The following NISCH variants were observed in gnomAD, a reference collection of about 807,000 sequenced individuals.
NISCH encodes I-1 receptor candidate protein.
A neutral mutation model predicts 138.4 loss-of-function variants in NISCH; 55 were observed. That is an observed-to-expected ratio of 0.40 (90% confidence interval 0.32 to 0.50). The LOEUF is 0.50. Among genes scored for constraint, NISCH ranks in the 20% least tolerant of loss-of-function variants. The pLI, the probability that NISCH is intolerant of heterozygous loss-of-function variation, is 0.71. For missense variants in NISCH, 1,643 were observed against 2,005.5 expected (o/e 0.82, Z 3.45); for synonymous variants, 860 against 861.5 (o/e 1.00, Z 0.03).
intron 13 of NISCH, 51 bp from the exon 14 acceptor site, chr3:52,484,462 T>TAGCCCCCC: frequency 1.3e-6 from 1 of 788,670 alleles, no homozygotes; most frequent in Admixed American, 3.4e-5. Flanking sequence ...ACAGCCGCTC[T>TAGCCCCCC]CCCCGCCCCA....
chr3:52,478,130 T>C lies in NISCH; in HGVS notation c.1021T>C (p.Tyr341His), dbSNP rs1338377994. Residue 341 changes from tyrosine to histidine, a missense_variant, in exon 10 of 21, where the codon TAC (tyrosine) becomes CAC (histidine). Tyr to His is a moderately conservative substitution (Grantham distance 83). Transcript: ENST00000345716. Reference sequence around the variant, plus strand: ...TAACCTTGTGCATCTGGACCTGTCCTACAACAAGCTCTCCTCCTTGGAAGG... The same window carrying C: ...TAACCTTGTGCATCTGGACCTGTCCCACAACAAGCTCTCCTCCTTGGAAGG... ...LYNLVHLDLS[Y>H]NKLSSLEGLH... The C allele has an allele frequency of 6.2e-7, 1 of 1,614,104 alleles. No homozygotes were observed. Among genetic ancestry groups the C allele is most frequent in the South Asian group, 1.1e-5 (1 of 91,070 alleles).
chr3:52,463,766 C>T (rs1273326299), intron 3 of NISCH, among the ~76,000 whole-genome samples: 1 of 124,232 alleles, frequency 8.0e-6, no homozygotes, highest in Non-Finnish European at 1.6e-5. Flanking sequence ...CTCTGTCGCA[C>T]AGGCTGGGGT....
Position 52,487,532 on chromosome 3 carries a change from T to C in NISCH, c.2040T>C (p.Asp680=). Residue 680 remains aspartate, a synonymous_variant, in exon 16 of 21, where the codon GAT becomes GAC. Coordinates refer to ENST00000345716, the MANE Select transcript of NISCH (RefSeq NM_007184.4). The surrounding 1 kb of genome is among the most constrained non-coding windows in gnomAD (Gnocchi z 9.1). The part of the protein sequence containing the change: ...QGEEEEEEEE[D]EEAEEERLAL... ...AGGAAGAGGAGGAGGAAGAGGAGGA[T>C]GAAGAGGCCGAGGAGGAGCGCCTGG... 1 of 1,607,086 alleles carries C rather than the reference T, an allele frequency of 6.2e-7. No homozygotes were observed.
chr3:52,487,078 G>C lies in NISCH; in HGVS notation c.1704-118G>C, dbSNP rs1035516807. The C allele has an allele frequency of 8.5e-7, 1 of 1,170,344 alleles. No individual in the cohort carries two copies. The highest frequency in any genetic ancestry group is 1.5e-5 in the African/African-American group (1 of 65,140). 72.5% of individuals were successfully genotyped at this position (1,170,344 alleles called of 1,614,324 possible). ...CTGACTTGGCCATGTGGGAGGCTTGGGAGACCCATGGGTTGGTTTCTCAGG... is the reference window on the plus strand; with the variant it reads ...CTGACTTGGCCATGTGGGAGGCTTGCGAGACCCATGGGTTGGTTTCTCAGG... On this transcript the variant is annotated intron_variant, in intron 15 of 20. Transcript: ENST00000345716. This position sits in a 1 kb window ranked among gnomAD's most constrained non-coding sequence, Gnocchi z 9.1.
At chr3:52,473,652 T>A in intron 6 of NISCH, 82 bp from the exon 7 acceptor site, 1 of 930,096 alleles carries the variant, frequency 1.1e-6, no homozygotes, top group South Asian at 1.6e-5. Flanking sequence ...TGCTTTTGTA[T>A]GGGGGTAGGA....
At chr3:52,464,788 G>A (rs564706783) in intron 3 of NISCH, among the ~76,000 whole-genome samples, 7 of 150,288 alleles carry the variant, frequency 4.7e-5, no homozygotes, top group Non-Finnish European at 1.0e-4. Context: ...GCCTCCCAAA[G>A]TGCCGGCATT....
At chr3:52,488,700 G>A in intron 16 of NISCH, 95 bp downstream of exon 16, 1 of 1,111,372 alleles carries the variant, frequency 9.0e-7, no homozygotes, top group South Asian at 1.6e-5. Context: ...GGGAGTTGCT[G>A]CGAGAGCTGG....
chr3:52,481,447 G>C (rs1442821899), intron 13 of NISCH: 4 of 985,618 alleles, frequency 4.1e-6, no homozygotes, highest in Admixed American at 6.1e-5. Context: ...CTTGACTAAG[G>C]ATTTCTGGTT....
At chr3:52,477,461 G>A (rs1707130102) in intron 8 of NISCH, 113 bp from the exon 9 acceptor site, 1 of 833,684 alleles carries the variant, frequency 1.2e-6, no homozygotes, top group Non-Finnish European at 2.0e-6. Context: ...GGGACGGCCC[G>A]TGGGAGTCCA....
chr3:52,460,326 C>T (rs532632838), intron 3 of NISCH, among the ~76,000 whole-genome samples: 4 of 151,952 alleles, frequency 2.6e-5, no homozygotes, highest in African/African-American at 7.2e-5. Context: ...CAGCAGCACA[C>T]CAGTCTTCCC....
intron 3 of NISCH, among the ~76,000 whole-genome samples, chr3:52,461,811 C>G (rs1706639931): frequency 6.8e-6 from 1 of 146,108 alleles, no homozygotes; most frequent in South Asian, 2.2e-4. Flanking sequence ...TGCAGTGAGC[C>G]AAGATCGTGT....
rs774547961 is a variant in NISCH, at chr3:52,490,137, G to T, written c.3519G>T (p.Gly1173=). 4 of 1,613,630 alleles carry T rather than the reference G, an allele frequency of 2.5e-6. No homozygotes were observed. In the Admixed American group the frequency reaches 6.7e-5, roughly 27 times the overall value. Residue 1173 remains glycine (G), a synonymous_variant, in exon 18 of 21, where the codon GGG becomes GGT. Transcript: ENST00000345716. ...WSSVVFYQTP[G]LEVTACVLLS... is the part of the protein sequence containing the mutation. ...CGGTGGTGTTCTACCAGACCCCAGGGCTGGAGGTGACTGCCTGCGTGCTGC... is the reference window on the plus strand; with the variant it reads ...CGGTGGTGTTCTACCAGACCCCAGGTCTGGAGGTGACTGCCTGCGTGCTGC...
chr3:52,478,769 C>T (rs1026151360), intron 11 of NISCH, among the ~76,000 whole-genome samples, 192 bp downstream of exon 11: 20 of 152,148 alleles, frequency 1.3e-4, no homozygotes, highest in African/African-American at 4.6e-4. Context: ...CATCTCCTGC[C>T]CCTACTGTCT....
chr3:52,485,877 C>T lies in NISCH; in HGVS notation c.1703+50C>T, dbSNP rs1266039174. On this transcript the variant is annotated intron_variant, in intron 15 of 20. Transcript: ENST00000345716. ...CTGGGCCTGGCCACACAGCCTTATG[C>T]ACACACACTGCTGTGGGCCAGGGGT... is the stretch of plus-strand genomic sequence containing the variant. The T allele has an allele frequency of 3.3e-6, 5 of 1,532,934 alleles. No homozygotes were observed. In the African/African-American group the frequency reaches 5.5e-5, roughly 17 times the overall value. 95.0% of individuals were successfully genotyped at this position (1,532,934 alleles called of 1,614,324 possible). A position where few individuals can be genotyped will look rare whatever the true frequency, so the allele number is the denominator to read the frequency against.
chr3:52,468,542 ATG>A (rs1706851442), intron 3 of NISCH, among the ~76,000 whole-genome samples: 1 of 152,100 alleles, frequency 6.6e-6, no homozygotes, highest in Non-Finnish European at 1.5e-5. Context: ...GCCAAGGAAA[ATG>A]TCATTTAGCT....
At chr3:52,459,135 G>C (rs1235840939) in intron 3 of NISCH, among the ~76,000 whole-genome samples, 2 of 152,222 alleles carry the variant, frequency 1.3e-5, no homozygotes, top group African/African-American at 4.8e-5. Flanking sequence ...CATCCAGATG[G>C]ATGAGGCTGG....
At chr3:52,483,108 C>T (rs1707318210) in intron 13 of NISCH, among the ~76,000 whole-genome samples, 1 of 152,180 alleles carries the variant, frequency 6.6e-6, no homozygotes, top group Non-Finnish European at 1.5e-5. Flanking sequence ...GGCAGGTGCC[C>T]AGCGTGGCCC....
intron 11 of NISCH, 148 bp from the exon 12 acceptor site, chr3:52,479,601 C>A (rs1707208279): frequency 3.1e-6 from 2 of 645,632 alleles, no homozygotes; most frequent in Admixed American, 2.9e-5. Context: ...TGGCCTGGCC[C>A]ACAGCAGGTG....
chr3:52,483,676 C>T (rs1370898354), intron 13 of NISCH, among the ~76,000 whole-genome samples: 1 of 152,222 alleles, frequency 6.6e-6, no homozygotes, highest in Admixed American at 6.5e-5. Flanking sequence ...GACTCAGCAG[C>T]CCTGCTGGAT....
Sources: allele counts gnomAD v4.1 joint callset (sites outside exome capture counted in the v4.1 genomes callset), GRCh38; gene constraint gnomAD v4.1.1; non-coding constraint Gnocchi (gnomAD v3.1); transcripts MANE v1.5; gene names NCBI Gene and HGNC (gene_info 2026-07-23, HGNC 2026-07-21).